The following IL20RB variants were observed in gnomAD, a reference collection of about 807,000 sequenced individuals.
IL20RB encodes the protein interleukin 20 receptor subunit beta.
IL20RB carries 21 observed loss-of-function variants against 33.3 expected under a neutral mutation model. That is an observed-to-expected ratio of 0.63 (90% CI 0.45 to 0.91). The LOEUF (loss-of-function observed/expected upper bound fraction) is 0.91. Ranked by LOEUF, IL20RB falls within the 40% of genes least tolerant of loss-of-function variation. The probability of loss-of-function intolerance (pLI) is 0.00; values close to 1 mark genes in which losing one functional copy is unlikely to be tolerated. For synonymous variants in IL20RB, 147 were observed against 146.8 expected (o/e 1.00, Z -0.01); for missense variants, 345 against 384.8 (o/e 0.90, Z 0.86).
intron 6 of IL20RB, among the ~76,000 whole-genome samples, chr3:137,004,358 A>G (rs1390952286): frequency 6.6e-6 from 1 of 152,158 alleles, no homozygotes; most frequent in Non-Finnish European, 1.5e-5. Flanking sequence ...TCCTCTTTGT[A>G]CCGCTGGTAG....
intron 1 of IL20RB, among the ~76,000 whole-genome samples, chr3:136,971,650 C>T (rs1166192140): frequency 6.6e-6 from 1 of 152,174 alleles, no homozygotes; most frequent in Non-Finnish European, 1.5e-5. Flanking sequence ...ACATTGCTGC[C>T]AATGACATGA....
At chr3:136,982,404 C>T (rs1040097260) in intron 3 of IL20RB, 54 bp downstream of exon 3, 1 of 1,278,038 alleles carries the variant, frequency 7.8e-7, no homozygotes, top group African/African-American at 1.5e-5. Flanking sequence ...CCTTTAGGAA[C>T]CATGTTCACC....
intron 1 of IL20RB, among the ~76,000 whole-genome samples, chr3:136,970,283 T>G (rs1006615292): frequency 3.3e-5 from 5 of 151,918 alleles, no homozygotes; most frequent in African/African-American, 9.7e-5. Context: ...TTTATAGAGA[T>G]AGCGTTTTGC....
chr3:136,974,293 A>T lies in IL20RB; in HGVS notation c.89-6173A>T, dbSNP rs144978759. On this transcript the variant is annotated intron_variant, in intron 1 of 6. Coordinates refer to ENST00000329582, the MANE Select transcript of IL20RB (RefSeq NM_144717.4). ...ATGTTATTATTTCAATTTCAGGTTT[A>T]GGACTCCCTTGAACATTTCTTGTAT... is the stretch of plus-strand genomic sequence containing the variant. Among the ~76,000 whole-genome samples, 351 of 152,268 alleles carry T rather than the reference A, an allele frequency of 2.3e-3. 1 individual carries two copies. Among genetic ancestry groups the T allele is most frequent in the African/African-American group, 7.3e-3 (303 of 41,568 alleles).
rs1941289769 is a variant in IL20RB at position 136,963,665 on chromosome 3, T to C, written c.88+5464T>C. ...AGTTTTGAGAGTTTTTTATGTGTTC[T>C]AGATACTAGTTCTTTTTTTTTTTTT... On this transcript the variant is annotated intron_variant, in intron 1 of 6. Transcript: ENST00000329582. Among the ~76,000 whole-genome samples, 7 of 149,184 alleles carry C rather than the reference T, an allele frequency of 4.7e-5. No homozygotes were observed. The South Asian group carries it at 1.5e-3, about 32-fold the overall frequency.
intron 6 of IL20RB, among the ~76,000 whole-genome samples, chr3:137,007,141 CT>C (rs1032125220): frequency 2.0e-5 from 3 of 152,184 alleles, no homozygotes; most frequent in African/African-American, 7.2e-5. Context: ...ATATTGCTGC[CT>C]GATCTTTCCT....
In IL20RB at chr3:136,958,085, A is replaced by C. The variant is rs1458253400; in HGVS notation, c.-29A>C. 7.7e-7 allele frequency: 1 copy of C among 1,305,144 alleles called. No homozygotes were observed. The highest frequency in any genetic ancestry group is 1.8e-4 in the Middle Eastern group (1 of 5,474). The allele number at this position is 1,305,144 out of a possible 1,614,324, so 80.8% of individuals were successfully genotyped here. A position where few individuals can be genotyped will look rare whatever the true frequency, so the allele number is the denominator to read the frequency against. On this transcript the variant is annotated 5_prime_UTR_variant, in exon 1 of 7. Transcript: ENST00000329582. ...AGAATGCTTTATTTTGGAAAGAAAC[A>C]ATGTTCTAGGTCAAACTGAGTCTAC...
At chr3:137,005,858 G>A (rs2344092) in intron 6 of IL20RB, among the ~76,000 whole-genome samples, 91,867 of 152,046 alleles carry the variant, frequency 0.6, 28,229 homozygotes, top group East Asian at 0.9. Flanking sequence ...TCTTCCTAGC[G>A]TCGATGGTCT....
At chr3:136,997,147 G>A (rs1942147115) in intron 6 of IL20RB, among the ~76,000 whole-genome samples, 1 of 151,284 alleles carries the variant, frequency 6.6e-6, no homozygotes, top group Admixed American at 6.6e-5. Flanking sequence ...CGCCCAGGCT[G>A]GAGTGCAGTG....
At chr3:136,994,724 G>T (rs1234251991) in intron 5 of IL20RB, among the ~76,000 whole-genome samples, 2 of 152,112 alleles carry the variant, frequency 1.3e-5, no homozygotes, top group Non-Finnish European at 2.9e-5. Context: ...ACAATTATTT[G>T]GTAGAATGAC....
At chr3:136,971,734 C>T (rs1941490871) in intron 1 of IL20RB, among the ~76,000 whole-genome samples, 1 of 152,084 alleles carries the variant, frequency 6.6e-6, no homozygotes. Flanking sequence ...TCCATTCATC[C>T]ACTGATGGAC....
intron 1 of IL20RB, among the ~76,000 whole-genome samples, chr3:136,972,994 G>A (rs949070413): frequency 6.6e-6 from 1 of 151,824 alleles, no homozygotes; most frequent in Non-Finnish European, 1.5e-5. Flanking sequence ...TGTTGTGTTC[G>A]ATTTTTATTT....
At chr3:136,994,610 G>A (rs1007194952) in intron 5 of IL20RB, among the ~76,000 whole-genome samples, 4 of 152,184 alleles carry the variant, frequency 2.6e-5, no homozygotes, top group African/African-American at 7.2e-5. Context: ...GCCTGGCCCA[G>A]AGAGGCTAAT....
At chr3:136,959,206 T>C (rs1941130018) in intron 1 of IL20RB, 1 of 152,218 alleles carries the variant, frequency 6.6e-6, no homozygotes, top group South Asian at 2.1e-4. Context: ...TTCTCACTAC[T>C]CCTTGAAAAC....
At chr3:137,010,063 T>G in intron 6 of IL20RB, 50 bp from the exon 7 acceptor site, 1 of 847,702 alleles carries the variant, frequency 1.2e-6, no homozygotes, top group Non-Finnish European at 2.1e-6. Flanking sequence ...TTCTTTAGTA[T>G]TACTACTACT....
chr3:137,002,663 A>G (rs1274075903), intron 6 of IL20RB, among the ~76,000 whole-genome samples: 1 of 151,278 alleles, frequency 6.6e-6, no homozygotes, highest in Admixed American at 6.6e-5. Context: ...TAGAATCTGG[A>G]TATTAGTCCT....
chr3:136,997,372 G>A (rs920658884), intron 6 of IL20RB, among the ~76,000 whole-genome samples: 10 of 152,154 alleles, frequency 6.6e-5, no homozygotes, highest in African/African-American at 2.4e-4. Flanking sequence ...GATTATAGGC[G>A]TGAGCCACTG....
chr3:136,986,916 G>T, intron 3 of IL20RB: 1 of 378,540 alleles, frequency 2.6e-6, no homozygotes, highest in Non-Finnish European at 5.2e-6. Context: ...GATCTTCACG[G>T]TGAGTGTTAC....
intron 3 of IL20RB, among the ~76,000 whole-genome samples, chr3:136,982,899 G>A (rs138883203): frequency 1.3e-5 from 2 of 152,294 alleles, no homozygotes; most frequent in East Asian, 1.9e-4. Flanking sequence ...CAGATAGGTG[G>A]CCAAATGTGG....
Sources: gnomAD v4.1 joint callset for allele counts (sites outside exome capture counted in the v4.1 genomes callset) on GRCh38, gnomAD v4.1.1 for gene constraint, MANE v1.5 for transcripts, NCBI Gene and HGNC (gene_info 2026-07-23, HGNC 2026-07-21) for gene names.